The following AGMO variants were observed in gnomAD, a reference collection of about 807,000 sequenced individuals.
The protein encoded by AGMO is alkylglycerol monooxygenase, also known as glyceryl-ether monooxygenase.
A neutral mutation model predicts 60.2 loss-of-function variants in AGMO; 75 were observed. The ratio of observed to expected loss-of-function variants is 1.25; its 90% confidence interval spans 1.03 to 1.51. AGMO has a LOEUF of 1.51. Among genes scored for constraint, AGMO ranks in the 40% most tolerant of loss-of-function variants. The pLI is 0.00. For synonymous variants in AGMO, 261 were observed against 177.1 expected (o/e 1.47, Z -3.76); for missense variants, 763 against 525.5 (o/e 1.45, Z -4.42).
chr7:15,366,760 G>A lies in AGMO; in HGVS notation c.1075-538C>T, dbSNP rs189770999. Among the ~76,000 whole-genome samples the A allele has an allele frequency of 7.6e-4, 116 of 151,984 alleles. No individual in the cohort carries two copies. In the East Asian group the frequency reaches 0.02, roughly 26 times the overall value. On this transcript the variant is annotated intron_variant, in intron 10 of 12. Transcript: ENST00000342526. ...ACATGTCAAAAGCTATCTTTTTAAC[G>A]CTTAAACATTAAGCATTAGTGTGCT... is the stretch of plus-strand genomic sequence containing the variant.
intron 12 of AGMO, among the ~76,000 whole-genome samples, chr7:15,279,111 C>CT (rs1382435007): frequency 6.6e-6 from 1 of 152,178 alleles, no homozygotes; most frequent in Admixed American, 6.5e-5. Flanking sequence ...TGTGTACAGT[C>CT]TTCAGGCAGC....
At chr7:15,504,783 A>T (rs1562540793) in intron 3 of AGMO, among the ~76,000 whole-genome samples, 1 of 151,912 alleles carries the variant, frequency 6.6e-6, no homozygotes, top group Non-Finnish European at 1.5e-5. Flanking sequence ...TTAAAATAAA[A>T]AAAAAAAAAG....
intron 9 of AGMO, 76 bp downstream of exon 9, chr7:15,387,330 C>T (rs1783956496): frequency 1.3e-6 from 2 of 1,495,422 alleles, no homozygotes; most frequent in Admixed American, 2.0e-5. Flanking sequence ...ATGAAAACAG[C>T]GTATGTACAG....
chr7:15,426,291 C>T (rs1781058908), intron 4 of AGMO, among the ~76,000 whole-genome samples: 1 of 152,084 alleles, frequency 6.6e-6, no homozygotes, highest in African/African-American at 2.4e-5. Context: ...ACCACTAATT[C>T]TGTAGTAGAC....
chr7:15,123,586 T>A, the AGMO span, among the ~76,000 whole-genome samples: 3 of 152,100 alleles, frequency 2.0e-5, no homozygotes, highest in Admixed American at 1.3e-4. Context: ...CACAGACTTT[T>A]GATAATGTAT....
chr7:15,251,522 G>T (rs370400129), intron 12 of AGMO, among the ~76,000 whole-genome samples: 1 of 152,174 alleles, frequency 6.6e-6, no homozygotes, highest in African/African-American at 2.4e-5. Flanking sequence ...AAACAAAACT[G>T]TCAGAAGTCT....
chr7:15,486,899 G>A (rs1782937480), intron 3 of AGMO, among the ~76,000 whole-genome samples: 1 of 152,102 alleles, frequency 6.6e-6, no homozygotes, highest in African/African-American at 2.4e-5. Flanking sequence ...ATGCAACTGA[G>A]ACAAAACAAA....
chr7:15,468,938 T>C (rs182172306), intron 3 of AGMO, among the ~76,000 whole-genome samples: 2 of 152,274 alleles, frequency 1.3e-5, no homozygotes, highest in East Asian at 1.9e-4. Context: ...AATAAAAATA[T>C]AGCAATTAAA....
chr7:15,295,463 T>C (rs905542471), intron 12 of AGMO, among the ~76,000 whole-genome samples: 4 of 151,960 alleles, frequency 2.6e-5, no homozygotes, highest in African/African-American at 9.7e-5. Context: ...CAATAATTGC[T>C]ATGGAGAAAA....
chr7:15,539,756 G>A (rs1453728960), intron 3 of AGMO, among the ~76,000 whole-genome samples: 1 of 152,132 alleles, frequency 6.6e-6, no homozygotes, highest in Non-Finnish European at 1.5e-5. Context: ...CCCACCAACA[G>A]TGTATAAGCA....
the AGMO span, among the ~76,000 whole-genome samples, chr7:15,186,496 G>A: frequency 2.0e-5 from 3 of 152,046 alleles, no homozygotes; most frequent in Admixed American, 6.6e-5. Flanking sequence ...ATGGCCACAT[G>A]AACAAATGGC....
At chr7:15,528,663 T>C (rs1784188525) in intron 3 of AGMO, among the ~76,000 whole-genome samples, 1 of 152,130 alleles carries the variant, frequency 6.6e-6, no homozygotes, top group African/African-American at 2.4e-5. Context: ...TTTATTTATT[T>C]TGAGACGGAG....
rs1269412498 is a variant in AGMO, at chr7:15,390,652, T to TAA, written c.822+17_822+18dup. On this transcript the variant is annotated intron_variant, in intron 8 of 12. Transcript: ENST00000342526. ...TGAAATGATATAAATGAAGAAAGAA[T>TAA]AAAAAACAAGTATGTTACCTGCACT... is the stretch of plus-strand genomic sequence containing the variant. 26 of 1,524,082 alleles carry TAA rather than the reference T, an allele frequency of 1.7e-5. No individual in the cohort carries two copies. Among genetic ancestry groups the TAA allele is most frequent in the Non-Finnish European group, 2.2e-5 (25 of 1,113,736 alleles). The allele number at this position is 1,524,082 out of a possible 1,614,324, so 94.4% of individuals were successfully genotyped here.
intron 4 of AGMO, among the ~76,000 whole-genome samples, chr7:15,429,130 A>G (rs923282474): frequency 2.6e-5 from 4 of 152,072 alleles, no homozygotes; most frequent in African/African-American, 9.6e-5. Flanking sequence ...CATAAGCTAT[A>G]GGTTATGAAT....
At chr7:15,200,050 G>A (rs1233031743), downstream of AGMO, among the ~76,000 whole-genome samples, 1 of 151,908 alleles carries the variant, frequency 6.6e-6, no homozygotes, top group Non-Finnish European at 1.5e-5. Flanking sequence ...CCTTAACCCA[G>A]TGATACATAG....
At chr7:15,431,915 A>G (rs1781251673) in intron 3 of AGMO, among the ~76,000 whole-genome samples, 1 of 151,902 alleles carries the variant, frequency 6.6e-6, no homozygotes, top group Admixed American at 6.6e-5. Flanking sequence ...TGATCCCCTA[A>G]GTAGTTGACA....
chr7:15,326,903 G>C (rs1300930268), intron 12 of AGMO, among the ~76,000 whole-genome samples: 1 of 152,180 alleles, frequency 6.6e-6, no homozygotes, highest in African/African-American at 2.4e-5. Flanking sequence ...TACCAAACTA[G>C]AGATCCAGAA....
chr7:15,361,894 A>G (rs1782781395), intron 12 of AGMO, among the ~76,000 whole-genome samples: 1 of 152,192 alleles, frequency 6.6e-6, no homozygotes, highest in Admixed American at 6.5e-5. Flanking sequence ...CTAGCCTTCT[A>G]GATAGAGAAG....
intron 12 of AGMO, among the ~76,000 whole-genome samples, chr7:15,331,295 A>G (rs1781492472): frequency 6.6e-6 from 1 of 152,232 alleles, no homozygotes; most frequent in Admixed American, 6.5e-5. Context: ...GTGAGAAATA[A>G]AAATGATTAT....
Sources: gnomAD v4.1 joint callset for allele counts (sites outside exome capture counted in the v4.1 genomes callset) on GRCh38, gnomAD v4.1.1 for gene constraint, MANE v1.5 for transcripts, NCBI Gene and HGNC (gene_info 2026-07-23, HGNC 2026-07-21) for gene names.